Variants in NKAIN2 observed in about 807,000 individuals in gnomAD.
NKAIN2 encodes sodium/potassium-transporting ATPase subunit beta-1-interacting protein 2.
In NKAIN2, 14 loss-of-function variants were observed where a neutral mutation model predicts 32.6. The ratio of observed to expected loss-of-function variants is 0.43; its 90% CI spans 0.28 to 0.67. The LOEUF (loss-of-function observed/expected upper bound fraction) is 0.67. Ranked by LOEUF, NKAIN2 falls within the 30% of genes least tolerant of loss-of-function variation. The pLI is 0.17. For missense variants in NKAIN2, 198 were observed against 258.3 expected (o/e 0.77, Z 1.60); for synonymous variants, 80 against 87.2 (o/e 0.92, Z 0.46).
intron 2 of NKAIN2, 50 bp from the exon 3 acceptor site, chr6:124,355,217 C>A (rs1798917878): frequency 8.2e-7 from 1 of 1,217,326 alleles, no homozygotes; most frequent in Non-Finnish European, 1.2e-6. Flanking sequence ...GAATCATACT[C>A]AACTGATTCC....
chr6:124,147,877 T>G (rs1321800336), intron 1 of NKAIN2, among the ~76,000 whole-genome samples: 1 of 152,148 alleles, frequency 6.6e-6, no homozygotes, highest in African/African-American at 2.4e-5. Context: ...TTCTTTTTTA[T>G]ATAAAGGGCC....
intron 3 of NKAIN2, among the ~76,000 whole-genome samples, chr6:124,496,635 T>C (rs758796740): frequency 9.9e-5 from 15 of 152,100 alleles, no homozygotes; most frequent in Admixed American, 2.6e-4. Flanking sequence ...CCTTTAATAA[T>C]GAGTGGAATT....
At position 124,429,602 on chromosome 6, in the gene NKAIN2, T is replaced by A. The variant is rs545499245; in HGVS notation, c.273+74255T>A. The stretch of plus-strand genomic sequence containing the variant: ...CTTTGTATCATTGGTGCTAAGACTG[T>A]ATTTGGCTTTGTAGTTGGTGTTTTT... On this transcript the variant is annotated intron_variant, in intron 3 of 6. Transcript: ENST00000368417. Among the ~76,000 whole-genome samples the A allele has an allele frequency of 5.9e-5, 9 of 152,284 alleles. No individual in the cohort carries two copies. In the South Asian group the frequency reaches 1.9e-3, roughly 32 times the overall value.
At chr6:124,451,225 A>C (rs1419102506) in intron 3 of NKAIN2, among the ~76,000 whole-genome samples, 4 of 152,138 alleles carry the variant, frequency 2.6e-5, no homozygotes, top group Non-Finnish European at 4.4e-5. Flanking sequence ...CTTTAGGCCC[A>C]TTGATTTTTA....
At chr6:124,247,586 G>A (rs1461195498) in intron 1 of NKAIN2, among the ~76,000 whole-genome samples, 1 of 152,122 alleles carries the variant, frequency 6.6e-6, no homozygotes, top group Non-Finnish European at 1.5e-5. Context: ...TGTGCAGGAA[G>A]TGACAGGACA....
At chr6:124,751,395 G>C (rs1430790701) in intron 4 of NKAIN2, among the ~76,000 whole-genome samples, 1 of 151,972 alleles carries the variant, frequency 6.6e-6, no homozygotes, top group African/African-American at 2.4e-5. Context: ...TAGGAGCCTA[G>C]AGTCAAGAAG....
intron 1 of NKAIN2, among the ~76,000 whole-genome samples, chr6:123,887,152 T>C (rs1474659275): frequency 6.6e-6 from 1 of 151,574 alleles, no homozygotes; most frequent in Non-Finnish European, 1.5e-5. Context: ...CATTAACTAA[T>C]GACATTAACT....
intron 1 of NKAIN2, among the ~76,000 whole-genome samples, chr6:123,883,649 A>T (rs9398742): frequency 0.26 from 31,360 of 120,090 alleles, 3,422 homozygotes; most frequent in African/African-American, 0.31. Context: ...TTTAAAAAAA[A>T]ATTTTTTTTA....
At chr6:124,222,977 C>T (rs1370174745) in intron 1 of NKAIN2, among the ~76,000 whole-genome samples, 3 of 151,412 alleles carry the variant, frequency 2.0e-5, no homozygotes, top group African/African-American at 7.3e-5. Context: ...AGAAAGAGAC[C>T]CCAAGGCAGG....
At chr6:124,320,408 T>C (rs577595490) in intron 2 of NKAIN2, among the ~76,000 whole-genome samples, 1 of 152,282 alleles carries the variant, frequency 6.6e-6, no homozygotes, top group African/African-American at 2.4e-5. Flanking sequence ...TAAAAAGCAT[T>C]TGAATAATGA....
At chr6:124,555,542 T>C (rs1780442711) in intron 3 of NKAIN2, among the ~76,000 whole-genome samples, 2 of 152,210 alleles carry the variant, frequency 1.3e-5, no homozygotes, top group Non-Finnish European at 2.9e-5. Context: ...TCCCTTTCTC[T>C]AAATTATGGA....
At chr6:123,837,127 T>A (rs1774662428) in intron 1 of NKAIN2, among the ~76,000 whole-genome samples, 1 of 152,150 alleles carries the variant, frequency 6.6e-6, no homozygotes, top group Non-Finnish European at 1.5e-5. Flanking sequence ...CTCTTAACTG[T>A]TTATACTTAA....
At chr6:124,116,367 G>A (rs1209715622) in intron 1 of NKAIN2, among the ~76,000 whole-genome samples, 5 of 152,046 alleles carry the variant, frequency 3.3e-5, no homozygotes, top group Admixed American at 3.3e-4. Context: ...TTATTTGTAA[G>A]AGTTCTTCCT....
chr6:124,498,458 A>G (rs1778154162), intron 3 of NKAIN2, among the ~76,000 whole-genome samples: 1 of 152,182 alleles, frequency 6.6e-6, no homozygotes, highest in South Asian at 2.1e-4. Context: ...AACTGTTAGC[A>G]TACAGAAACG....
At chr6:124,296,501 T>C (rs1027375078) in intron 2 of NKAIN2, among the ~76,000 whole-genome samples, 3 of 152,156 alleles carry the variant, frequency 2.0e-5, no homozygotes, top group African/African-American at 7.2e-5. Context: ...GTTTATGAGT[T>C]CAGATATTCT....
rs531369269 is a variant in NKAIN2 at position 124,810,606 on chromosome 6, G to A, written c.536-7781G>A. 9.2e-5 allele frequency among the ~76,000 whole-genome samples: 14 copies of A among 151,908 alleles called. No homozygotes were observed. The East Asian group carries it at 9.7e-4, about 11-fold the overall frequency. On this transcript the variant is annotated intron_variant, in intron 5 of 6. Transcript: ENST00000368417. ...TGTCACTAACCTGCACATTGTGCACGTGTACCCTAAAACTTAAAGTATAAT... is the reference window on the plus strand; with the variant it reads ...TGTCACTAACCTGCACATTGTGCACATGTACCCTAAAACTTAAAGTATAAT...
intron 3 of NKAIN2, among the ~76,000 whole-genome samples, chr6:124,588,099 C>T (rs147254148): frequency 6.6e-6 from 1 of 152,146 alleles, no homozygotes; most frequent in East Asian, 1.9e-4. Context: ...GACTCTGTGT[C>T]ATTTAAGTCT....
intron 1 of NKAIN2, among the ~76,000 whole-genome samples, chr6:124,070,716 A>G (rs930640625): frequency 1.1e-4 from 17 of 152,120 alleles, no homozygotes; most frequent in African/African-American, 3.1e-4. Flanking sequence ...TGCAATTTCT[A>G]TCAAACTACC....
At chr6:123,883,679 T>TA (rs368253353) in intron 1 of NKAIN2, among the ~76,000 whole-genome samples, 21 of 143,532 alleles carry the variant, frequency 1.5e-4, no homozygotes, top group South Asian at 2.2e-4. Flanking sequence ...AAAACCTCTT[T>TA]AAAAAAAAAA....
Sources: gnomAD v4.1 joint callset for allele counts (sites outside exome capture counted in the v4.1 genomes callset) on GRCh38, gnomAD v4.1.1 for gene constraint, MANE v1.5 for transcripts, NCBI Gene and HGNC (gene_info 2026-07-23, HGNC 2026-07-21) for gene names.